LUZP2: variants seen among roughly 807,000 people sequenced by gnomAD.
The protein encoded by LUZP2 is leucine zipper protein 2.
Under a neutral mutation model 51.6 loss-of-function variants are expected in LUZP2, and 52 were observed. The observed-to-expected ratio is 1.01, with a 90% confidence interval of 0.81 to 1.27. LUZP2 has a LOEUF of 1.27. LUZP2 is among the 50% of genes most tolerant of loss of function. The pLI, the probability that LUZP2 is intolerant of heterozygous loss-of-function variation, is 0.00. For synonymous variants in LUZP2, 154 were observed against 137.3 expected, an observed-to-expected ratio of 1.12 and a Z score of -0.85; for missense variants, 436 against 395.4, an observed-to-expected ratio of 1.10 and a Z score of -0.87.
At chr11:25,032,444 C>A (rs2133993326) in intron 9 of LUZP2, among the ~76,000 whole-genome samples, 1 of 152,182 alleles carries the variant, frequency 6.6e-6, no homozygotes, top group East Asian at 1.9e-4. Context: ...ACCCTTATTT[C>A]TTCATATTTT....
At chr11:24,880,022 G>A (rs965108333) in intron 5 of LUZP2, among the ~76,000 whole-genome samples, 3 of 152,070 alleles carry the variant, frequency 2.0e-5, no homozygotes, top group Non-Finnish European at 4.4e-5. Context: ...TCAGCAATAG[G>A]GCTTGCCTAG....
At chr11:24,667,662 T>A (rs867736822) in intron 1 of LUZP2, among the ~76,000 whole-genome samples, 4 of 152,140 alleles carry the variant, frequency 2.6e-5, no homozygotes, top group Middle Eastern at 3.2e-3. Flanking sequence ...CTAAGAGCAT[T>A]TAACTCCCAA....
chr11:24,783,758 G>A (rs1031015209), intron 5 of LUZP2, among the ~76,000 whole-genome samples: 4 of 151,886 alleles, frequency 2.6e-5, no homozygotes, highest in Admixed American at 6.6e-5. Flanking sequence ...ACACTGCAAT[G>A]CATTTCTCTG....
In LUZP2 at chr11:25,069,692, G is replaced by C. The variant is rs140259192; in HGVS notation, c.859-7637G>C. Among the ~76,000 whole-genome samples, 425 of 151,900 alleles carry C rather than the reference G, an allele frequency of 2.8e-3. 1 individual carries two copies. The highest frequency in any genetic ancestry group is 9.1e-3 in the African/African-American group (377 of 41,474). ...CATGTCTATATTTCAATATTCAGTA[G>C]TTTCAATTCATTTTATCAACTTATT... On this transcript the variant is annotated intron_variant, in intron 10 of 11. Transcript: ENST00000336930.
intron 1 of LUZP2, among the ~76,000 whole-genome samples, chr11:24,658,799 A>T (rs1204274932): frequency 1.3e-5 from 2 of 152,250 alleles, no homozygotes; most frequent in African/African-American, 2.4e-5. Context: ...ACATTTATGC[A>T]GCAAACAGAC....
intron 1 of LUZP2, among the ~76,000 whole-genome samples, chr11:24,528,646 A>G (rs1008774520): frequency 6.6e-5 from 10 of 151,260 alleles, no homozygotes; most frequent in African/African-American, 2.4e-4. Flanking sequence ...ATTCAAATTC[A>G]TTTGCCTTTA....
At chr11:24,852,368 G>A (rs1295800258) in intron 5 of LUZP2, among the ~76,000 whole-genome samples, 8 of 152,160 alleles carry the variant, frequency 5.3e-5, no homozygotes, top group African/African-American at 1.9e-4. Flanking sequence ...TATTTACCCA[G>A]TAGTCATTCA....
chr11:25,029,576 A>C (rs1033854392), intron 9 of LUZP2, among the ~76,000 whole-genome samples: 7 of 151,972 alleles, frequency 4.6e-5, no homozygotes, highest in African/African-American at 1.7e-4. Context: ...ATCTCTGCTA[A>C]AATTACAAAA....
chr11:24,748,041 G>T (rs1476297682), intron 4 of LUZP2, among the ~76,000 whole-genome samples: 1 of 152,106 alleles, frequency 6.6e-6, no homozygotes, highest in Non-Finnish European at 1.5e-5. Context: ...CTGCAAGCTG[G>T]ATTTGTACCC....
At chr11:24,996,491 A>G (rs958401131) in intron 9 of LUZP2, among the ~76,000 whole-genome samples, 8 of 151,884 alleles carry the variant, frequency 5.3e-5, no homozygotes, top group Non-Finnish European at 7.4e-5. Context: ...AGGATTTTCC[A>G]TTGTAATTGT....
In LUZP2 at chr11:25,001,732, TTTCC is replaced by T. The variant is rs151083054; in HGVS notation, c.765+18443_765+18446del. Among the ~76,000 whole-genome samples, 1,139 of 152,312 alleles carry T rather than the reference TTTCC, an allele frequency of 7.5e-3. 29 individuals carry two copies. The East Asian group carries it at 0.093, about 12-fold the overall frequency. ...TCATCTTTGTCTATCTCTTTCTCTC[TTTCC>T]TTCTTTGACTTTCTGTCAGTCTCTT... is the stretch of plus-strand genomic sequence containing the variant. On this transcript the variant is annotated intron_variant, in intron 9 of 11. Coordinates refer to ENST00000336930, the MANE Select transcript of LUZP2 (RefSeq NM_001009909.4).
chr11:25,037,714 T>C (rs1223088629), intron 9 of LUZP2, among the ~76,000 whole-genome samples: 1 of 152,166 alleles, frequency 6.6e-6, no homozygotes, highest in Non-Finnish European at 1.5e-5. Flanking sequence ...CCTTTACCTA[T>C]TAAGCTTATT....
intron 9 of LUZP2, among the ~76,000 whole-genome samples, chr11:25,018,348 A>C (rs1011903700): frequency 6.6e-6 from 1 of 151,916 alleles, no homozygotes; most frequent in African/African-American, 2.4e-5. Flanking sequence ...TCCAAACTTT[A>C]TTCTTTGGAA....
At chr11:24,789,277 T>A (rs1849338760) in intron 5 of LUZP2, among the ~76,000 whole-genome samples, 1 of 152,202 alleles carries the variant, frequency 6.6e-6, no homozygotes, top group Non-Finnish European at 1.5e-5. Context: ...CCTCTATATA[T>A]GGTCAACTAG....
chr11:25,078,528 A>G (rs1232648226), intron 11 of LUZP2, 26 bp from the exon 12 acceptor site: 2 of 1,557,140 alleles, frequency 1.3e-6, no homozygotes, highest in Non-Finnish European at 1.8e-6. Context: ...GATTCTTCGA[A>G]TTGTCTTTTC....
chr11:24,924,717 C>A (rs947862070), intron 7 of LUZP2, among the ~76,000 whole-genome samples: 1 of 152,098 alleles, frequency 6.6e-6, no homozygotes, highest in Non-Finnish European at 1.5e-5. Flanking sequence ...ATAATACATA[C>A]ATGTAAGATG....
chr11:25,065,818 G>A (rs1219531757), intron 10 of LUZP2, among the ~76,000 whole-genome samples: 1 of 152,006 alleles, frequency 6.6e-6, no homozygotes, highest in Non-Finnish European at 1.5e-5. Context: ...AGTCAGAGAA[G>A]GTGACAGCAA....
chr11:24,954,849 T>G (rs1180220263), intron 7 of LUZP2, among the ~76,000 whole-genome samples: 1 of 152,088 alleles, frequency 6.6e-6, no homozygotes, highest in East Asian at 1.9e-4. Flanking sequence ...TAAAATGATA[T>G]TCGTAGTGCA....
intron 5 of LUZP2, among the ~76,000 whole-genome samples, chr11:24,898,095 G>A (rs756988870): frequency 6.6e-6 from 1 of 151,996 alleles, no homozygotes; most frequent in Non-Finnish European, 1.5e-5. Flanking sequence ...GAAAAAAACT[G>A]GAATGTATTT....
Sources: gnomAD v4.1 joint callset for allele counts (sites outside exome capture counted in the v4.1 genomes callset) on GRCh38, gnomAD v4.1.1 for gene constraint, MANE v1.5 for transcripts, NCBI Gene and HGNC (gene_info 2026-07-23, HGNC 2026-07-21) for gene names.